Variants in PIGN observed in about 807,000 individuals in gnomAD.
The protein encoded by PIGN is GPI ethanolamine phosphate transferase 1.
In PIGN, 117 loss-of-function variants were observed where a neutral mutation model predicts 125.4. The ratio of observed to expected loss-of-function variants is 0.93; its 90% CI spans 0.80 to 1.09. The LOEUF (loss-of-function observed/expected upper bound fraction) is 1.09. Among genes scored for constraint, PIGN ranks in the 50% least tolerant of loss-of-function variants. PIGN has a pLI of 0.00. For missense variants in PIGN, 1,075 were observed against 1,094.9 expected, an observed-to-expected ratio of 0.98 and a Z score of 0.26; for synonymous variants, 392 against 377.8, an observed-to-expected ratio of 1.04 and a Z score of -0.44.
intron 25 of PIGN, among the ~76,000 whole-genome samples, chr18:62,085,683 AC>A (rs1362665833): frequency 1.3e-5 from 2 of 152,246 alleles, no homozygotes; most frequent in African/African-American, 2.4e-5. Flanking sequence ...CACATGCTAG[AC>A]CACTTGAAAG....
At chr18:62,160,915 C>T (rs185302771) in intron 4 of PIGN, among the ~76,000 whole-genome samples, 11 of 152,250 alleles carry the variant, frequency 7.2e-5, no homozygotes, top group South Asian at 2.1e-4. Context: ...TTCAATTCAC[C>T]GGTTATCAGC....
At chr18:62,088,673 A>T in intron 25 of PIGN, 83 bp downstream of exon 25, 1 of 762,008 alleles carries the variant, frequency 1.3e-6, no homozygotes, top group Non-Finnish European at 2.3e-6. Context: ...CTATTAAGTG[A>T]TGGGCAGAAA....
intron 2 of PIGN, among the ~76,000 whole-genome samples, chr18:62,163,305 G>C (rs1212150752): frequency 1.3e-5 from 2 of 152,082 alleles, no homozygotes; most frequent in Non-Finnish European, 2.9e-5. Context: ...TAATAAACCT[G>C]ACCCAGTTGT....
Position 62,102,887 on chromosome 18 carries a change from C to G in PIGN, c.1875G>C (p.Leu625Phe). 1 of 1,568,266 alleles carries G rather than the reference C, an allele frequency of 6.4e-7. No homozygotes were observed. The highest frequency in any genetic ancestry group is 1.2e-5 in the South Asian group (1 of 83,060). Reference sequence around the variant, plus strand: ...CACACAGGGATAACAGAAGAACCAGCAAGCCTGCACCCATCCTGTTTTGAA... The same window carrying G: ...CACACAGGGATAACAGAAGAACCAGGAAGCCTGCACCCATCCTGTTTTGAA... ...PDISLVMGAG[L>F]LVLLLSLCVV... is the part of the protein sequence containing the mutation. The change falls in exon 21 of 31, where the codon TTG becomes TTC. Residue 625 changes from leucine to phenylalanine, a missense_variant. Transcript: ENST00000640252.
chr18:62,071,863 CATAT>C (rs61508545), intron 30 of PIGN, among the ~76,000 whole-genome samples: 2,046 of 77,192 alleles, frequency 0.027, 36 homozygotes, highest in Non-Finnish European at 0.033. Flanking sequence ...ACTCCTTTTC[CATAT>C]ATATATATAT....
chr18:62,162,018 G>T (rs2036971218), intron 3 of PIGN, among the ~76,000 whole-genome samples: 1 of 151,970 alleles, frequency 6.6e-6, no homozygotes, highest in African/African-American at 2.4e-5. Flanking sequence ...CAGAAAATTT[G>T]TACTTATTAA....
intron 10 of PIGN, among the ~76,000 whole-genome samples, chr18:62,143,845 A>G (rs1178141471): frequency 2.0e-5 from 3 of 152,240 alleles, no homozygotes; most frequent in African/African-American, 4.8e-5. Flanking sequence ...ATATTGAGTT[A>G]TTATTAAAAT....
intron 1 of PIGN, among the ~76,000 whole-genome samples, chr18:62,182,107 A>G (rs2037738691): frequency 6.6e-6 from 1 of 152,130 alleles, no homozygotes; most frequent in African/African-American, 2.4e-5. Context: ...CCTCTGACCA[A>G]TGTTGAACAG....
intron 23 of PIGN, chr18:62,017,800 G>A (rs1440339914): frequency 1.3e-5 from 2 of 151,934 alleles, no homozygotes; most frequent in African/African-American, 4.8e-5. Context: ...TTTATAAAGA[G>A]CTTTCCCAAC....
intron 14 of PIGN, among the ~76,000 whole-genome samples, chr18:62,121,285 T>C (rs995574772): frequency 6.6e-6 from 1 of 152,072 alleles, no homozygotes; most frequent in Non-Finnish European, 1.5e-5. Flanking sequence ...ACATAAAGAG[T>C]TGGCACCACA....
At chr18:62,056,521 TA>T (rs11305259) in intron 30 of PIGN, among the ~76,000 whole-genome samples, 138,834 of 151,894 alleles carry the variant, frequency 0.91, 63,578 homozygotes, top group African/African-American at 0.97. Context: ...TGCTTTTTTT[TA>T]AACCGAGAAA....
intron 30 of PIGN, 105 bp downstream of exon 30, chr18:62,072,568 T>C: frequency 1.2e-6 from 1 of 863,840 alleles, no homozygotes; most frequent in Non-Finnish European, 1.9e-6. Flanking sequence ...TCTAGGTTTG[T>C]GTGAATATAC....
intron 24 of PIGN, among the ~76,000 whole-genome samples, chr18:62,090,049 G>A (rs1599492773): frequency 6.6e-6 from 1 of 151,990 alleles, no homozygotes; most frequent in Admixed American, 6.6e-5. Context: ...ACCAGAAAGT[G>A]AAAAACAACA....
chr18:62,077,869 G>A (rs909992337), intron 28 of PIGN, among the ~76,000 whole-genome samples: 5 of 152,172 alleles, frequency 3.3e-5, no homozygotes, highest in Non-Finnish European at 5.9e-5. Context: ...GTCCAAGATC[G>A]TGTGTGAGCA....
At chr18:62,185,061 C>T (rs1712948774) in intron 1 of PIGN, among the ~76,000 whole-genome samples, 1 of 152,198 alleles carries the variant, frequency 6.6e-6, no homozygotes, top group Non-Finnish European at 1.5e-5. Flanking sequence ...TAATCCTCTT[C>T]AGGAATCCTA....
At chr18:62,179,094 G>A (rs141209011) in intron 1 of PIGN, among the ~76,000 whole-genome samples, 7 of 152,212 alleles carry the variant, frequency 4.6e-5, no homozygotes, top group African/African-American at 1.7e-4. Flanking sequence ...TTTTTCTCAT[G>A]GTAAGTCTGG....
intron 22 of PIGN, among the ~76,000 whole-genome samples, chr18:62,100,342 G>C (rs1435596802): frequency 6.6e-6 from 1 of 152,152 alleles, no homozygotes; most frequent in African/African-American, 2.4e-5. Flanking sequence ...ATGTGGGGAA[G>C]GGGGAACCTT....
rs566154721 is a variant in PIGN at position 62,168,917 on chromosome 18, A to G, written c.-235-5261T>C. Among the ~76,000 whole-genome samples, 21 of 142,324 alleles carry G rather than the reference A, an allele frequency of 1.5e-4. No homozygotes were observed. In the East Asian group the frequency reaches 4.1e-3, roughly 28 times the overall value. 93.4% of individuals were successfully genotyped at this position (142,324 alleles called of 152,430 possible). On this transcript the variant is annotated intron_variant, in intron 1 of 30. Coordinates refer to ENST00000640252, the MANE Select transcript of PIGN (RefSeq NM_176787.5). ...GTTACCCAGGCTGGAGTGCAGTGGC[A>G]TGATCTCAGCTCACCGCAACCTCCG...
At chr18:62,151,823 T>C (rs1008735868) in intron 7 of PIGN, among the ~76,000 whole-genome samples, 1 of 152,230 alleles carries the variant, frequency 6.6e-6, no homozygotes, top group Non-Finnish European at 1.5e-5. Context: ...TTGCCGGTAA[T>C]TCAGATACCT....
Sources: gnomAD v4.1 joint callset for allele counts (sites outside exome capture counted in the v4.1 genomes callset) on GRCh38, gnomAD v4.1.1 for gene constraint, MANE v1.5 for transcripts, NCBI Gene and HGNC (gene_info 2026-07-23, HGNC 2026-07-21) for gene names.